ASCC3: variants seen among roughly 807,000 people sequenced by gnomAD.
The protein encoded by ASCC3 is ASC-1 complex subunit P200.
In ASCC3, 158 loss-of-function variants were observed where a neutral mutation model predicts 256.3. That is an observed-to-expected ratio of 0.62 (90% CI 0.54 to 0.70). The LOEUF is 0.70. Among genes scored for constraint, ASCC3 ranks in the 30% least tolerant of loss-of-function variants. The pLI, the probability that ASCC3 is intolerant of heterozygous loss-of-function variation, is 0.00. For synonymous variants in ASCC3, 948 were observed against 883.4 expected (o/e 1.07, Z -1.30); for missense variants, 2,259 against 2,626.0 (o/e 0.86, Z 3.05).
At position 100,517,999 on chromosome 6, in the gene ASCC3, G is replaced by GT; in HGVS notation, c.5918dup (p.His1973GlnfsTer16). 2 of 1,613,132 alleles carry GT rather than the reference G, an allele frequency of 1.2e-6. No individual in the cohort carries two copies. Among genetic ancestry groups the GT allele is most frequent in the South Asian group, 2.2e-5 (2 of 91,018 alleles). ...AAAAGTAAAACAATTACTTGAAAAG[G>GT]TGAAGATGATGGTTTTCTATGTTTG... On this transcript the variant is annotated frameshift_variant, in exon 38 of 42. Transcript: ENST00000369162. LOFTEE classifies it high-confidence loss of function.
chr6:100,587,331 TAAG>T (rs1160896079), intron 36 of ASCC3, among the ~76,000 whole-genome samples: 5 of 152,070 alleles, frequency 3.3e-5, no homozygotes, highest in African/African-American at 4.8e-5. Context: ...TAAAGAAACT[TAAG>T]AAGAAGAAGG....
At chr6:100,704,531 C>T (rs1262191922) in intron 13 of ASCC3, among the ~76,000 whole-genome samples, 1 of 151,800 alleles carries the variant, frequency 6.6e-6, no homozygotes, top group Non-Finnish European at 1.5e-5. Flanking sequence ...AATTAATTTA[C>T]ATAATTAAAC....
intron 13 of ASCC3, among the ~76,000 whole-genome samples, chr6:100,707,839 T>C (rs535565010): frequency 7.9e-5 from 12 of 152,232 alleles, no homozygotes; most frequent in African/African-American, 2.6e-4. Context: ...GTAGAAAAAT[T>C]GCAGTTCCTT....
intron 37 of ASCC3, among the ~76,000 whole-genome samples, chr6:100,528,474 T>A (rs1176309614): frequency 4.6e-5 from 7 of 152,212 alleles, no homozygotes; most frequent in Non-Finnish European, 1.0e-4. Context: ...TGACAATTGA[T>A]AAAGCCTACT....
chr6:100,862,789 A>G (rs1244633764), intron 3 of ASCC3, among the ~76,000 whole-genome samples: 2 of 152,230 alleles, frequency 1.3e-5, no homozygotes, highest in African/African-American at 4.8e-5. Context: ...AGAAAATGTT[A>G]TGAATGATTA....
At chr6:100,627,325 T>C (rs1774290929) in intron 29 of ASCC3, among the ~76,000 whole-genome samples, 1 of 152,160 alleles carries the variant, frequency 6.6e-6, no homozygotes, top group Admixed American at 6.6e-5. Flanking sequence ...AACACTTTGA[T>C]TAATATTAAG....
intron 36 of ASCC3, among the ~76,000 whole-genome samples, chr6:100,581,844 C>G (rs1412909748): frequency 2.0e-5 from 3 of 149,750 alleles, no homozygotes; most frequent in Non-Finnish European, 4.5e-5. Context: ...ATAGGGAATC[C>G]TTTCCCCATT....
At chr6:100,601,679 G>C in intron 34 of ASCC3, 131 bp downstream of exon 34, 1 of 1,020,552 alleles carries the variant, frequency 9.8e-7, no homozygotes, top group Non-Finnish European at 1.4e-6. Context: ...TGATTCTTTA[G>C]ACAAATTCAT....
At chr6:100,510,485 CA>C (rs1773706791) in intron 40 of ASCC3, among the ~76,000 whole-genome samples, 1 of 152,064 alleles carries the variant, frequency 6.6e-6, no homozygotes, top group Non-Finnish European at 1.5e-5. Flanking sequence ...TCAAATCTTC[CA>C]AAACCTTATT....
chr6:100,836,445 C>T (rs1771880526), intron 4 of ASCC3, among the ~76,000 whole-genome samples: 1 of 152,044 alleles, frequency 6.6e-6, no homozygotes, highest in Non-Finnish European at 1.5e-5. Flanking sequence ...GGGTTTTAAT[C>T]ATGAAGTGGT....
chr6:100,644,017 A>G lies in ASCC3; in HGVS notation c.3732+14T>C. The G allele has an allele frequency of 6.4e-7, 1 of 1,554,282 alleles. No homozygotes were observed. The highest frequency in any genetic ancestry group is 8.9e-7 in the Non-Finnish European group (1 of 1,126,852). ...CAATAGCAAATAAGGATATATTCAC[A>G]TATATACACTTACTTGTTTTTTTAG... On this transcript the variant is annotated intron_variant, in intron 23 of 41. Coordinates refer to ENST00000369162, the MANE Select transcript of ASCC3 (RefSeq NM_006828.4).
Position 100,510,068 on chromosome 6 carries a change from T to C in ASCC3, c.6325A>G (p.Lys2109Glu). The C allele has an allele frequency of 1.2e-6, 2 of 1,614,210 alleles. No homozygotes were observed. The highest frequency in any genetic ancestry group is 2.2e-5 in the South Asian group (2 of 91,088). ...AAAAACCATCCTTCGTCTTTTGATTTGGGAAATCGAGGAGTAACTGCACAG... is the reference window on the plus strand; with the variant it reads ...AAAAACCATCCTTCGTCTTTTGATTCGGGAAATCGAGGAGTAACTGCACAG... The part of the protein sequence containing the change: ...ESCAVTPRFP[K>E]SKDEGWFLIL... The change falls in exon 41 of 42, where the codon AAA (lysine) becomes GAA (glutamate). Residue 2109 changes from lysine (K) to glutamate (E), a missense_variant. Coordinates refer to ENST00000369162, the MANE Select transcript of ASCC3 (RefSeq NM_006828.4).
intron 4 of ASCC3, among the ~76,000 whole-genome samples, chr6:100,822,657 C>T (rs965888137): frequency 9.2e-5 from 14 of 152,074 alleles, no homozygotes; most frequent in Admixed American, 9.2e-4. Flanking sequence ...TACTAAAGAA[C>T]CTTGAAAATT....
chr6:100,548,532 G>A (rs2114679633), intron 36 of ASCC3, among the ~76,000 whole-genome samples: 1 of 152,004 alleles, frequency 6.6e-6, no homozygotes, highest in Middle Eastern at 3.4e-3. Context: ...ATATGCCATT[G>A]TAGGCTCTTG....
chr6:100,754,874 T>C (rs1186291916), intron 10 of ASCC3, among the ~76,000 whole-genome samples: 4 of 152,126 alleles, frequency 2.6e-5, no homozygotes, highest in Non-Finnish European at 4.4e-5. Flanking sequence ...TTGATGGTTT[T>C]ATAAAGGGTG....
chr6:100,824,695 TAA>T (rs973416493), intron 4 of ASCC3, among the ~76,000 whole-genome samples: 1 of 142,270 alleles, frequency 7.0e-6, no homozygotes, highest in Non-Finnish European at 1.5e-5. Context: ...TAAAATAAAT[TAA>T]GAGTATTAAT....
At chr6:100,563,092 CTATT>C (rs1305410243) in intron 36 of ASCC3, among the ~76,000 whole-genome samples, 1 of 151,744 alleles carries the variant, frequency 6.6e-6, no homozygotes, top group Non-Finnish European at 1.5e-5. Context: ...GTGTTAGTGG[CTATT>C]TTTTTAAATA....
chr6:100,863,070 C>T (rs146724068), intron 3 of ASCC3, among the ~76,000 whole-genome samples: 115 of 152,200 alleles, frequency 7.6e-4, no homozygotes, highest in African/African-American at 2.4e-3. Flanking sequence ...TCATGCAAGA[C>T]CAGAATAGGT....
At chr6:100,689,947 A>C (rs1777764778) in intron 13 of ASCC3, among the ~76,000 whole-genome samples, 1 of 152,158 alleles carries the variant, frequency 6.6e-6, no homozygotes, top group Non-Finnish European at 1.5e-5. Context: ...CTGAAAGATT[A>C]GCTTATAAGA....
Sources: allele counts gnomAD v4.1 joint callset (sites outside exome capture counted in the v4.1 genomes callset), GRCh38; gene constraint gnomAD v4.1.1; transcripts MANE v1.5; gene names NCBI Gene and HGNC (gene_info 2026-07-23, HGNC 2026-07-21).